The following ST6GALNAC3 variants were observed in gnomAD, a reference collection of about 807,000 sequenced individuals.
The protein encoded by ST6GALNAC3 is ST6 N-acetylgalactosaminide alpha-2,6-sialyltransferase 3, also known as alpha-N-acetylgalactosaminide alpha-2,6-sialyltransferase 3.
In ST6GALNAC3, 25 loss-of-function variants were observed where a neutral mutation model predicts 32.7. The ratio of observed to expected loss-of-function variants is 0.76; its 90% CI spans 0.56 to 1.07. ST6GALNAC3 has a LOEUF of 1.07. Among genes scored for constraint, ST6GALNAC3 ranks in the 50% least tolerant of loss-of-function variants. ST6GALNAC3 has a pLI of 0.00. For missense variants in ST6GALNAC3, 355 were observed against 382.4 expected (o/e 0.93, Z 0.60); for synonymous variants, 129 against 133.1 (o/e 0.97, Z 0.21).
intron 1 of ST6GALNAC3, among the ~76,000 whole-genome samples, chr1:76,123,378 CAAAA>C (rs869281587): frequency 1.6e-5 from 1 of 63,420 alleles, no homozygotes; most frequent in African/African-American, 5.6e-5. Context: ...GGCTCCATCT[CAAAA>C]AAAAAAAAAA....
intron 3 of ST6GALNAC3, among the ~76,000 whole-genome samples, chr1:76,448,284 T>C (rs546283866): frequency 5.3e-4 from 81 of 152,306 alleles, no homozygotes; most frequent in Non-Finnish European, 1.1e-3. Flanking sequence ...AATGGCTGTA[T>C]TTACCCATTG....
intron 2 of ST6GALNAC3, among the ~76,000 whole-genome samples, chr1:76,399,534 A>G (rs1653241790): frequency 1.3e-5 from 2 of 152,300 alleles, no homozygotes; most frequent in Non-Finnish European, 2.9e-5. Context: ...GTTCCTCTTC[A>G]TCAAGGGCAT....
chr1:76,593,049 T>G (rs1647075279), intron 3 of ST6GALNAC3, among the ~76,000 whole-genome samples: 1 of 152,334 alleles, frequency 6.6e-6, no homozygotes, highest in South Asian at 2.1e-4. Flanking sequence ...GAATTAATAC[T>G]GAAAACATGA....
chr1:76,190,842 C>T (rs1263722309), intron 1 of ST6GALNAC3, among the ~76,000 whole-genome samples: 1 of 152,082 alleles, frequency 6.6e-6, no homozygotes, highest in Non-Finnish European at 1.5e-5. Context: ...TACTCCCATC[C>T]CCAGAAGCCC....
intron 1 of ST6GALNAC3, chr1:76,309,844 G>T (rs2100880362): frequency 2.4e-6 from 1 of 421,818 alleles, no homozygotes; most frequent in South Asian, 1.8e-5. Context: ...CCCTCTCTGT[G>T]CTCATTACTT....
intron 1 of ST6GALNAC3, among the ~76,000 whole-genome samples, chr1:76,157,522 C>T (rs561697594): frequency 1.3e-5 from 2 of 152,344 alleles, no homozygotes; most frequent in South Asian, 4.1e-4. Flanking sequence ...AGACTGCATA[C>T]ATTTCCAAAG....
intron 3 of ST6GALNAC3, among the ~76,000 whole-genome samples, chr1:76,614,458 G>T (rs1648143772): frequency 1.3e-5 from 2 of 152,114 alleles, no homozygotes; most frequent in South Asian, 4.1e-4. Flanking sequence ...GGTGGCTCAC[G>T]CCTGTAATCC....
rs149360772 is a variant in ST6GALNAC3, at chr1:76,480,494, A to C, written c.623+68077A>C. Among the ~76,000 whole-genome samples the C allele has an allele frequency of 2.9e-3, 436 of 152,272 alleles. 4 individuals carry two copies. The Middle Eastern group carries it at 0.044, about 15-fold the overall frequency. On this transcript the variant is annotated intron_variant, in intron 3 of 4. Coordinates refer to ENST00000328299, the MANE Select transcript of ST6GALNAC3 (RefSeq NM_152996.4). The stretch of plus-strand genomic sequence containing the variant: ...TTGAAAATGATGTTAGATAGATAAA[A>C]GTAAGGAAATCCTAGATTTGAATGA...
chr1:76,548,392 T>A (rs1187407140), intron 3 of ST6GALNAC3, among the ~76,000 whole-genome samples: 1 of 152,138 alleles, frequency 6.6e-6, no homozygotes, highest in Non-Finnish European at 1.5e-5. Context: ...TCTGGTACCA[T>A]GGCTCAGCAA....
intron 1 of ST6GALNAC3, among the ~76,000 whole-genome samples, chr1:76,138,727 G>A (rs1650104850): frequency 1.3e-5 from 2 of 152,114 alleles, no homozygotes; most frequent in African/African-American, 4.8e-5. Context: ...TAGAACTTCA[G>A]TAGAGTGCCT....
At chr1:76,124,766 G>T (rs1483125005) in intron 1 of ST6GALNAC3, among the ~76,000 whole-genome samples, 1 of 152,024 alleles carries the variant, frequency 6.6e-6, no homozygotes, top group African/African-American at 2.4e-5. Context: ...GGTTTTTATT[G>T]TTGAAATAAA....
intron 1 of ST6GALNAC3, among the ~76,000 whole-genome samples, chr1:76,194,943 T>C (rs957566918): frequency 1.8e-4 from 27 of 152,370 alleles, no homozygotes; most frequent in African/African-American, 6.0e-4. Flanking sequence ...ACATCTTGCA[T>C]TGGTCATTTG....
chr1:76,178,476 C>T (rs1557675733), intron 1 of ST6GALNAC3, among the ~76,000 whole-genome samples: 1 of 152,166 alleles, frequency 6.6e-6, no homozygotes, highest in Non-Finnish European at 1.5e-5. Context: ...TGATGTTTAT[C>T]GCCAGACCGT....
intron 1 of ST6GALNAC3, among the ~76,000 whole-genome samples, chr1:76,130,230 T>A (rs1315583903): frequency 1.3e-5 from 2 of 152,222 alleles, no homozygotes; most frequent in Admixed American, 6.5e-5. Context: ...AGTCATGTAG[T>A]TGCCAGTCTC....
intron 2 of ST6GALNAC3, among the ~76,000 whole-genome samples, chr1:76,323,038 T>C (rs1646999645): frequency 6.6e-6 from 1 of 152,142 alleles, no homozygotes; most frequent in Non-Finnish European, 1.5e-5. Flanking sequence ...AAAAATTACC[T>C]CTAGAAATAC....
chr1:76,214,271 C>A (rs1655335166), intron 1 of ST6GALNAC3, among the ~76,000 whole-genome samples: 1 of 152,116 alleles, frequency 6.6e-6, no homozygotes. Context: ...TACTGGACAG[C>A]ACAGATGTAG....
chr1:76,198,908 G>A (rs1348135592), intron 1 of ST6GALNAC3, among the ~76,000 whole-genome samples: 5 of 152,156 alleles, frequency 3.3e-5, no homozygotes, highest in African/African-American at 9.7e-5. Flanking sequence ...AGGCTCCACT[G>A]AATGGGAAGG....
intron 3 of ST6GALNAC3, among the ~76,000 whole-genome samples, chr1:76,585,149 C>A (rs1420298785): frequency 2.0e-5 from 3 of 152,152 alleles, no homozygotes; most frequent in Non-Finnish European, 1.5e-5. Context: ...ATTTTGGAGG[C>A]CGAGGCAGGC....
At chr1:76,228,601 G>C (rs752818809) in intron 1 of ST6GALNAC3, among the ~76,000 whole-genome samples, 4 of 152,088 alleles carry the variant, frequency 2.6e-5, no homozygotes, top group Non-Finnish European at 5.9e-5. Flanking sequence ...GGTAGGAAGC[G>C]GGTCTCAGAG....
Sources: gnomAD v4.1 joint callset for allele counts (sites outside exome capture counted in the v4.1 genomes callset) on GRCh38, gnomAD v4.1.1 for gene constraint, MANE v1.5 for transcripts, NCBI Gene and HGNC (gene_info 2026-07-23, HGNC 2026-07-21) for gene names.